Variants in IPP observed in about 807,000 individuals in gnomAD.
IPP encodes actin-binding protein IPP.
A neutral mutation model predicts 64.1 loss-of-function variants in IPP; 41 were observed. That is an observed-to-expected ratio of 0.64 (90% CI 0.50 to 0.83). The LOEUF (loss-of-function observed/expected upper bound fraction) is 0.83, where lower values mean the gene tolerates loss of function less well. Ranked by LOEUF, IPP falls within the 40% of genes least tolerant of loss-of-function variation. The pLI is 0.00. For synonymous variants in IPP, 214 were observed against 235.2 expected (o/e 0.91, Z 0.83); for missense variants, 649 against 703.0 (o/e 0.92, Z 0.87).
intron 8 of IPP, among the ~76,000 whole-genome samples, chr1:45,701,703 G>A (rs976290853): frequency 1.3e-5 from 2 of 152,190 alleles, no homozygotes; most frequent in Non-Finnish European, 2.9e-5. Flanking sequence ...TGGGAGAACA[G>A]ATTATCAATC....
chr1:45,740,518 C>T (rs1261058492), intron 3 of IPP, among the ~76,000 whole-genome samples: 2 of 152,104 alleles, frequency 1.3e-5, no homozygotes, highest in Non-Finnish European at 2.9e-5. Context: ...CCCCACCTCC[C>T]TCCCAGACAG....
chr1:45,740,772 GAAAAA>G (rs767026897), intron 3 of IPP, 124 bp downstream of exon 3: 5 of 563,406 alleles, frequency 8.9e-6, no homozygotes, highest in African/African-American at 3.9e-5. Flanking sequence ...TTTAAAAAAA[GAAAAA>G]AAAAGAGTAA....
chr1:45,741,207 T>A lies in IPP; in HGVS notation c.418A>T (p.Ile140Phe). The change falls in exon 3 of 9, where the codon ATT becomes TTT. Residue 140 changes from isoleucine to phenylalanine, a missense_variant. Transcript: ENST00000396478. Reference protein sequence around the residue: ...LKGQIDPLNCIGIFQFSEQIA... With the variant: ...LKGQIDPLNCFGIFQFSEQIA... The stretch of plus-strand genomic sequence containing the variant: ...TGCTCAGAGAACTGAAAAATTCCAA[T>A]GCAGTTCAGTGGATCAATTTGTCCT... 6.2e-7 allele frequency: 1 copy of A among 1,614,188 alleles called. No individual in the cohort carries two copies. Among genetic ancestry groups the A allele is most frequent in the Non-Finnish European group, 8.5e-7 (1 of 1,180,026 alleles).
At position 45,714,431 on chromosome 1, in the gene IPP, CT is replaced by C; in HGVS notation, c.1344del (p.Gly449GlufsTer2). 6.2e-7 allele frequency: 1 copy of C among 1,613,418 alleles called. No individual in the cohort carries two copies. On this transcript the variant is annotated frameshift_variant, in exon 8 of 9. Coordinates refer to ENST00000396478, the MANE Select transcript of IPP (RefSeq NM_005897.3). LOFTEE classifies it high-confidence loss of function. ...LIYVIGGISN[E>X]GIELRSFEVY... ...ACTTCAAAAGAACGAAGTTCTATTC[CT>C]TCATTGCTGATGCCCCCAATTACAT...
At chr1:45,718,201 A>G (rs1265345202) in intron 6 of IPP, among the ~76,000 whole-genome samples, 10 of 152,228 alleles carry the variant, frequency 6.6e-5, no homozygotes, top group Non-Finnish European at 1.5e-4. Context: ...TATATTAGAC[A>G]TAATTAGGCC....
At chr1:45,731,328 C>T (rs1645901886) in intron 3 of IPP, among the ~76,000 whole-genome samples, 1 of 152,088 alleles carries the variant, frequency 6.6e-6, no homozygotes, top group Non-Finnish European at 1.5e-5. Context: ...TTAGTTCCAG[C>T]TACTCTGGAG....
chr1:45,739,976 G>A (rs571803030), intron 3 of IPP, among the ~76,000 whole-genome samples: 2 of 152,202 alleles, frequency 1.3e-5, no homozygotes, highest in South Asian at 2.1e-4. Flanking sequence ...GCGGCCTTCC[G>A]CAGTGTTTGT....
intron 3 of IPP, among the ~76,000 whole-genome samples, chr1:45,734,933 C>T (rs1645957698): frequency 6.6e-6 from 1 of 152,190 alleles, no homozygotes; most frequent in African/African-American, 2.4e-5. Context: ...GTGTGTGCCA[C>T]CACACCCAGC....
At chr1:45,728,954 T>C (rs1645868930) in intron 4 of IPP, among the ~76,000 whole-genome samples, 1 of 148,650 alleles carries the variant, frequency 6.7e-6, no homozygotes, top group African/African-American at 2.5e-5. Flanking sequence ...GGTGAAACCC[T>C]GTCTCTACTT....
downstream of IPP, chr1:45,694,749 C>T: frequency 2.4e-6 from 1 of 408,852 alleles, no homozygotes; most frequent in South Asian, 3.9e-5. Context: ...TGTCCCTTAC[C>T]ACCAAACACA....
intron 1 of IPP, among the ~76,000 whole-genome samples, chr1:45,749,681 C>T (rs1455957509): frequency 1.3e-5 from 2 of 151,422 alleles, no homozygotes; most frequent in Non-Finnish European, 2.9e-5. Flanking sequence ...CCACCACGCC[C>T]GGCTAATTTT....
rs1432900707 is a variant in IPP at position 45,720,388 on chromosome 1, A to G, written c.1049-1048T>C. ...AAGAGATGAATAATGCTCATGAATT[A>G]TAAGAGTCAATGTATCATGAAGATT... is the stretch of plus-strand genomic sequence containing the variant. On this transcript the variant is annotated intron_variant, in intron 5 of 8. Transcript: ENST00000396478. Among the ~76,000 whole-genome samples the G allele has an allele frequency of 5.9e-5, 9 of 152,348 alleles. No individual in the cohort carries two copies. The South Asian group carries it at 1.2e-3, about 21-fold the overall frequency.
At chr1:45,709,114 C>T (rs1645555491) in intron 8 of IPP, among the ~76,000 whole-genome samples, 1 of 149,694 alleles carries the variant, frequency 6.7e-6, no homozygotes, top group Non-Finnish European at 1.5e-5. Context: ...CCATCACCAC[C>T]AGACCTGCAC....
intron 3 of IPP, 101 bp downstream of exon 3, chr1:45,740,799 AT>A: frequency 1.5e-6 from 1 of 648,148 alleles, no homozygotes; most frequent in Non-Finnish European, 2.6e-6. Flanking sequence ...CATTCAATAA[AT>A]GTCTGTTACT....
chr1:45,724,436 G>A (rs1645778621), intron 5 of IPP, among the ~76,000 whole-genome samples: 1 of 151,540 alleles, frequency 6.6e-6, no homozygotes, highest in African/African-American at 2.4e-5. Flanking sequence ...CTGCCTGGCC[G>A]CCCATCGTCT....
At chr1:45,746,496 A>C (rs920917412) in intron 1 of IPP, 35 bp from the exon 2 acceptor site, 97 of 1,052,558 alleles carry the variant, frequency 9.2e-5, no homozygotes, top group Non-Finnish European at 1.3e-4. Flanking sequence ...CAAGCAACAA[A>C]ATTTTTTTAA....
At position 45,704,539 on chromosome 1, in the gene IPP, G is replaced by A. The variant is rs74562623; in HGVS notation, c.1531-4349C>T. On this transcript the variant is annotated intron_variant, in intron 8 of 8. Transcript: ENST00000396478. The stretch of plus-strand genomic sequence containing the variant: ...GCGTGAGACACCGCGCCCGGCGGAA[G>A]CAAAGTCTTTAACTGACAGAAAAGG... 3.0e-3 allele frequency among the ~76,000 whole-genome samples: 462 copies of A among 152,198 alleles called. 4 individuals carry two copies. Among genetic ancestry groups the A allele is most frequent in the East Asian group, 0.023 (117 of 5,184 alleles).
chr1:45,742,907 C>T (rs1367866272), intron 2 of IPP, among the ~76,000 whole-genome samples: 2 of 151,770 alleles, frequency 1.3e-5, no homozygotes, highest in African/African-American at 4.9e-5. Context: ...CTTTCTTTTC[C>T]AAGGGCTTCA....
chr1:45,742,352 G>GTA (rs1646078065), intron 2 of IPP, among the ~76,000 whole-genome samples: 1 of 152,014 alleles, frequency 6.6e-6, no homozygotes, highest in Admixed American at 6.6e-5. Flanking sequence ...ACCCGCATAT[G>GTA]TACCTCTTGA....
Sources: gnomAD v4.1 joint callset for allele counts (sites outside exome capture counted in the v4.1 genomes callset) on GRCh38, gnomAD v4.1.1 for gene constraint, MANE v1.5 for transcripts, NCBI Gene and HGNC (gene_info 2026-07-23, HGNC 2026-07-21) for gene names.